TULP4: variants seen among roughly 807,000 people sequenced by gnomAD.
The protein encoded by TULP4 is TUB like protein 4, also known as tubby-related protein 4.
TULP4 carries 16 observed loss-of-function variants against 129.0 expected under a neutral mutation model. That is an observed-to-expected ratio of 0.12 (90% confidence interval 0.08 to 0.19). The LOEUF (loss-of-function observed/expected upper bound fraction) is 0.19, where lower values mean the gene tolerates loss of function less well. Ranked by LOEUF, TULP4 falls within the 10% of genes least tolerant of loss-of-function variation. TULP4 has a pLI of 1.00. For synonymous variants in TULP4, 998 were observed against 854.0 expected (o/e 1.17, Z -2.94); for missense variants, 1,842 against 2,059.1 (o/e 0.89, Z 2.04).
chr6:158,331,757 G>GTATATATATATATATA (rs1171180222), intron 1 of TULP4, among the ~76,000 whole-genome samples: 9 of 16,374 alleles, frequency 5.5e-4, no homozygotes, highest in Non-Finnish European at 1.2e-3. Flanking sequence ...GTATATACAC[G>GTATATATATATATATA]TGTATATATA....
chr6:158,329,258 A>AATAC (rs1452979322), intron 1 of TULP4, among the ~76,000 whole-genome samples: 3 of 152,134 alleles, frequency 2.0e-5, no homozygotes, highest in Non-Finnish European at 1.5e-5. Context: ...GGTCTACTAA[A>AATAC]ATACAGAGGA....
At chr6:158,355,674 T>A (rs1780630170) in intron 1 of TULP4, among the ~76,000 whole-genome samples, 1 of 152,118 alleles carries the variant, frequency 6.6e-6, no homozygotes, top group Admixed American at 6.6e-5. Flanking sequence ...ATTTGAAAGA[T>A]ATGTAGGGAG....
chr6:158,238,842 C>G (rs573920805), intron 1 of TULP4, among the ~76,000 whole-genome samples: 2 of 98,380 alleles, frequency 2.0e-5, no homozygotes, highest in African/African-American at 7.0e-5. Context: ...TACACAGACA[C>G]GGCAACCATC....
chr6:158,497,628 T>G (rs1273301746), intron 11 of TULP4, among the ~76,000 whole-genome samples: 1 of 152,254 alleles, frequency 6.6e-6, no homozygotes, highest in African/African-American at 2.4e-5. Flanking sequence ...AATACATTCA[T>G]TCTTAAGTCA....
rs775784871 is a variant in TULP4 at position 158,452,171 on chromosome 6, C to T, written c.762C>T (p.Ile254=). Residue 254 remains isoleucine (I), a synonymous_variant, in exon 5 of 14, where the codon ATC becomes ATT. Coordinates refer to ENST00000367097, the MANE Select transcript of TULP4 (RefSeq NM_020245.5). ...CATATCCCATCCCAGTGCAGAACAT[C>T]AAGCCTCTGCTCACCGTCAGCTTCA... is the stretch of plus-strand genomic sequence containing the variant. ...PAAYPIPVQN[I]KPLLTVSFTS... is the part of the protein sequence containing the mutation. The T allele has an allele frequency of 6.2e-7, 1 of 1,614,224 alleles. No homozygotes were observed. The highest frequency in any genetic ancestry group is 2.2e-5 in the East Asian group (1 of 44,886).
chr6:158,326,882 C>T (rs189196403), intron 1 of TULP4, among the ~76,000 whole-genome samples: 7 of 152,070 alleles, frequency 4.6e-5, no homozygotes, highest in East Asian at 1.9e-4. Context: ...CAATCAAATA[C>T]GGATCAAAAA....
At chr6:158,232,259 G>C in exon 1 of TULP4, 1 of 148,456 alleles carries the variant, frequency 6.7e-6, no homozygotes, top group South Asian at 1.8e-4. Flanking sequence ...TGGAGGCGGA[G>C]AGGCACGGAG....
intron 1 of TULP4, among the ~76,000 whole-genome samples, chr6:158,366,192 C>T (rs570195471): frequency 7.2e-5 from 11 of 152,250 alleles, no homozygotes; most frequent in Admixed American, 5.2e-4. Flanking sequence ...CATGGGCCAC[C>T]GCGCCTGGCC....
intron 1 of TULP4, among the ~76,000 whole-genome samples, chr6:158,248,065 G>A (rs1475153419): frequency 6.6e-6 from 1 of 152,148 alleles, no homozygotes; most frequent in East Asian, 1.9e-4. Context: ...TGACATTTTC[G>A]GCAGAGTTAC....
intron 1 of TULP4, among the ~76,000 whole-genome samples, chr6:158,307,117 G>T (rs986122259): frequency 1.3e-5 from 2 of 152,214 alleles, no homozygotes; most frequent in East Asian, 3.9e-4. Flanking sequence ...ACAACTGCTT[G>T]TCCTAAAACT....
At chr6:158,496,265 C>T (rs1780336407) in intron 11 of TULP4, among the ~76,000 whole-genome samples, 1 of 152,246 alleles carries the variant, frequency 6.6e-6, no homozygotes. Flanking sequence ...TGTGCGTAAC[C>T]TACTAAAACT....
At chr6:158,476,781 A>T (rs1779830571) in intron 6 of TULP4, among the ~76,000 whole-genome samples, 1 of 152,178 alleles carries the variant, frequency 6.6e-6, no homozygotes, top group African/African-American at 2.4e-5. Context: ...ACGATTTTGT[A>T]TGTGATGGAC....
chr6:158,333,364 A>G (rs558679724), intron 1 of TULP4, among the ~76,000 whole-genome samples: 3 of 152,328 alleles, frequency 2.0e-5, no homozygotes, highest in African/African-American at 7.2e-5. Context: ...TCACAGTGAG[A>G]TGGTGGCCAC....
At chr6:158,458,824 A>G (rs999582752) in intron 5 of TULP4, among the ~76,000 whole-genome samples, 6 of 152,190 alleles carry the variant, frequency 3.9e-5, no homozygotes, top group African/African-American at 1.4e-4. Flanking sequence ...TCCTGCAGAA[A>G]ACTCACATAC....
At chr6:158,335,002 G>A (rs1779999691) in intron 1 of TULP4, among the ~76,000 whole-genome samples, 1 of 152,172 alleles carries the variant, frequency 6.6e-6, no homozygotes, top group Non-Finnish European at 1.5e-5. Flanking sequence ...TCTTGGTCAG[G>A]TACAGTGGCT....
chr6:158,466,483 G>A (rs597765), intron 6 of TULP4, among the ~76,000 whole-genome samples: 63,564 of 151,998 alleles, frequency 0.42, 14,602 homozygotes, highest in African/African-American at 0.62. Flanking sequence ...TGATGTTGTC[G>A]TGTATCTTCT....
chr6:158,311,284 C>T (rs6907623), upstream of TULP4, among the ~76,000 whole-genome samples: 131,818 of 152,112 alleles, frequency 0.87, 57,485 homozygotes, highest in Admixed American at 0.92. Flanking sequence ...GGGGCTGGGC[C>T]GCTTCAGCTG....
At chr6:158,241,313 G>A (rs1777902901) in intron 1 of TULP4, among the ~76,000 whole-genome samples, 1 of 119,868 alleles carries the variant, frequency 8.3e-6, no homozygotes, top group Non-Finnish European at 1.9e-5. Context: ...TGGGCGGCCA[G>A]GCAGACACTC....
chr6:158,240,693 G>A (rs1239960144), intron 1 of TULP4, among the ~76,000 whole-genome samples: 1 of 118,444 alleles, frequency 8.4e-6, no homozygotes, highest in East Asian at 3.2e-4. Context: ...GGCCAGGCGG[G>A]GGGCTGACCC....
Sources: gnomAD v4.1 joint callset for allele counts (sites outside exome capture counted in the v4.1 genomes callset) on GRCh38, gnomAD v4.1.1 for gene constraint, MANE v1.5 for transcripts, NCBI Gene and HGNC (gene_info 2026-07-23, HGNC 2026-07-21) for gene names.